Variants in B3GALT1 observed in about 807,000 individuals in gnomAD.
B3GALT1 encodes beta-1,3-galactosyltransferase 1, also known as UDP-Gal:betaGlcNAc beta 1,3-galactosyltransferase, polypeptide 1.
B3GALT1 carries 10 observed loss-of-function variants against 23.2 expected under a neutral mutation model. The ratio of observed to expected loss-of-function variants is 0.43; its 90% CI spans 0.27 to 0.73. The LOEUF is 0.73. Ranked by LOEUF, B3GALT1 falls within the 30% of genes least tolerant of loss-of-function variation. B3GALT1 has a pLI of 0.21. For missense variants in B3GALT1, 299 were observed against 405.4 expected (o/e 0.74, Z 2.25); for synonymous variants, 156 against 141.5 (o/e 1.10, Z -0.73).
At chr2:167,300,060 G>A (rs1187644041) in intron 1 of B3GALT1, among the ~76,000 whole-genome samples, 3 of 151,770 alleles carry the variant, frequency 2.0e-5, no homozygotes, top group Non-Finnish European at 2.9e-5. Context: ...CCGCCACCAC[G>A]CCTGGCTATT....
chr2:167,780,016 C>T (rs924601450), intron 3 of B3GALT1, among the ~76,000 whole-genome samples: 2 of 152,202 alleles, frequency 1.3e-5, no homozygotes, highest in African/African-American at 4.8e-5. Context: ...CATTTGTTAA[C>T]TGCCAAGGTC....
intron 3 of B3GALT1, among the ~76,000 whole-genome samples, chr2:167,785,938 A>C (rs1436727315): frequency 1.3e-5 from 2 of 152,248 alleles, no homozygotes; most frequent in Non-Finnish European, 2.9e-5. Context: ...CCGATTTCAT[A>C]GTAGTAAACT....
chr2:167,667,662 G>C (rs181209166), intron 3 of B3GALT1, among the ~76,000 whole-genome samples: 1 of 152,028 alleles, frequency 6.6e-6, no homozygotes, highest in Non-Finnish European at 1.5e-5. Context: ...TTTTATTCTT[G>C]TTTCTCTAAA....
At chr2:167,512,558 A>ATATATATATGTG (rs1700026195) in intron 2 of B3GALT1, among the ~76,000 whole-genome samples, 3 of 85,608 alleles carry the variant, frequency 3.5e-5, no homozygotes, top group African/African-American at 1.6e-4. Context: ...ATATATATGT[A>ATATATATATGTG]TATATATATG....
intron 1 of B3GALT1, among the ~76,000 whole-genome samples, chr2:167,446,843 A>G (rs1345214802): frequency 1.3e-5 from 2 of 149,262 alleles, no homozygotes; most frequent in Non-Finnish European, 1.5e-5. Flanking sequence ...TGATCATCTG[A>G]AGCCTTCTTC....
chr2:167,498,018 T>C (rs1254707775), intron 2 of B3GALT1, among the ~76,000 whole-genome samples: 2 of 152,184 alleles, frequency 1.3e-5, no homozygotes, highest in Non-Finnish European at 2.9e-5. Context: ...TAAAGTTAAA[T>C]GTGTTAGGCT....
At chr2:167,403,994 A>G (rs1185792027) in intron 1 of B3GALT1, among the ~76,000 whole-genome samples, 1 of 152,142 alleles carries the variant, frequency 6.6e-6, no homozygotes, top group Non-Finnish European at 1.5e-5. Flanking sequence ...CTGTAAAGGA[A>G]TACCCAGGGC....
At chr2:167,394,613 CT>C (rs1698067191) in intron 1 of B3GALT1, among the ~76,000 whole-genome samples, 1 of 152,044 alleles carries the variant, frequency 6.6e-6, no homozygotes, top group South Asian at 2.1e-4. Flanking sequence ...TTTAATACAA[CT>C]TAAAAAGCAT....
intron 4 of B3GALT1, among the ~76,000 whole-genome samples, chr2:167,828,520 C>T (rs1446240276): frequency 6.6e-6 from 1 of 152,174 alleles, no homozygotes; most frequent in Non-Finnish European, 1.5e-5. Flanking sequence ...TTTCTCATGG[C>T]TCCTATATTC....
At chr2:167,777,424 G>A (rs908392183) in intron 3 of B3GALT1, among the ~76,000 whole-genome samples, 3 of 152,138 alleles carry the variant, frequency 2.0e-5, no homozygotes, top group Non-Finnish European at 4.4e-5. Context: ...TCGGCTCACT[G>A]CAACCTCTGC....
At chr2:167,357,019 T>C (rs2617399) in intron 1 of B3GALT1, among the ~76,000 whole-genome samples, 120,401 of 150,620 alleles carry the variant, frequency 0.8, 49,989 homozygotes, top group East Asian at 0.93. Flanking sequence ...CCAGTTTGTA[T>C]GTGTGTGTGT....
intron 2 of B3GALT1, among the ~76,000 whole-genome samples, chr2:167,519,860 T>C (rs1002709110): frequency 1.3e-5 from 2 of 151,766 alleles, no homozygotes; most frequent in African/African-American, 4.8e-5. Context: ...TCACTTAAGG[T>C]TAAGAGTTTG....
intron 1 of B3GALT1, among the ~76,000 whole-genome samples, chr2:167,375,809 A>G (rs918758128): frequency 1.3e-5 from 2 of 151,786 alleles, no homozygotes; most frequent in Admixed American, 6.6e-5. Flanking sequence ...TCTTCTTCCT[A>G]TTGCAATGCC....
intron 1 of B3GALT1, among the ~76,000 whole-genome samples, chr2:167,422,104 A>C (rs1465666416): frequency 6.7e-6 from 1 of 148,712 alleles, no homozygotes; most frequent in East Asian, 2.0e-4. Context: ...TGCAAAGGGG[A>C]GAAGAAAGAA....
In B3GALT1 at chr2:167,411,365, G is replaced by A. The variant is rs1403506336; in HGVS notation, c.-510-78812G>A. Among the ~76,000 whole-genome samples the A allele has an allele frequency of 3.2e-5, 3 of 93,238 alleles. No homozygotes were observed. The East Asian group carries it at 9.0e-4, about 28-fold the overall frequency. The allele number at this position is 93,238 out of a possible 152,430, so 61.2% of individuals were successfully genotyped here. A position where few individuals can be genotyped will look rare whatever the true frequency, so the allele number is the denominator to read the frequency against. ...TGTAAGAAGCTCAAACAACTCAATA[G>A]CAAACAAAAAACCAAAAAAAAAAAA... is the stretch of plus-strand genomic sequence containing the variant. On this transcript the variant is annotated intron_variant, in intron 1 of 4. Coordinates refer to ENST00000392690, the MANE Select transcript of B3GALT1 (RefSeq NM_020981.4).
chr2:167,764,001 A>C (rs1687937074), intron 3 of B3GALT1, among the ~76,000 whole-genome samples: 2 of 152,232 alleles, frequency 1.3e-5, no homozygotes, highest in Admixed American at 1.3e-4. Flanking sequence ...CATGCTTAAA[A>C]GTATGCAATA....
intron 4 of B3GALT1, among the ~76,000 whole-genome samples, chr2:167,822,671 CTT>C (rs952638567): frequency 2.0e-5 from 3 of 152,200 alleles, no homozygotes; most frequent in Non-Finnish European, 2.9e-5. Context: ...CCTCCTCTCT[CTT>C]GGCACTGGTT....
At position 167,725,958 on chromosome 2, in the gene B3GALT1, A is replaced by G. The variant is rs567604777; in HGVS notation, c.-352+78992A>G. Reference sequence around the variant, plus strand: ...GCAGATATTATGCCACTGCTGACCTATATTTTAAAATATTTATGGGATTAA... The same window carrying G: ...GCAGATATTATGCCACTGCTGACCTGTATTTTAAAATATTTATGGGATTAA... On this transcript the variant is annotated intron_variant, in intron 3 of 4. Transcript: ENST00000392690. Among the ~76,000 whole-genome samples the G allele has an allele frequency of 2.0e-5, 3 of 152,298 alleles. No homozygotes were observed. In the East Asian group the frequency reaches 5.8e-4, roughly 29 times the overall value.
chr2:167,460,461 G>T (rs755568883), intron 1 of B3GALT1, among the ~76,000 whole-genome samples: 11 of 151,924 alleles, frequency 7.2e-5, no homozygotes, highest in Non-Finnish European at 1.5e-4. Context: ...CCTTTTAAAA[G>T]ATTTTTTTGT....
Sources: gnomAD v4.1 joint callset for allele counts (sites outside exome capture counted in the v4.1 genomes callset) on GRCh38, gnomAD v4.1.1 for gene constraint, MANE v1.5 for transcripts, NCBI Gene and HGNC (gene_info 2026-07-23, HGNC 2026-07-21) for gene names.